Variants in GPC5 observed in about 807,000 individuals in gnomAD.
The protein encoded by GPC5 is glypican 5.
Under a neutral mutation model 53.9 loss-of-function variants are expected in GPC5, and 47 were observed. The ratio of observed to expected loss-of-function variants is 0.87; its 90% CI spans 0.69 to 1.11. The LOEUF is 1.11. Among genes scored for constraint, GPC5 ranks in the 50% most tolerant of loss-of-function variants. GPC5 has a pLI of 0.00. For missense variants in GPC5, 748 were observed against 713.1 expected, an observed-to-expected ratio of 1.05 and a Z score of -0.56; for synonymous variants, 286 against 263.3, an observed-to-expected ratio of 1.09 and a Z score of -0.84.
chr13:91,603,628 C>CA (rs1263607916), intron 2 of GPC5, among the ~76,000 whole-genome samples: 1 of 152,174 alleles, frequency 6.6e-6, no homozygotes, highest in Non-Finnish European at 1.5e-5. Context: ...ATCGTAAACA[C>CA]AGGCTGATTA....
At chr13:92,743,474 G>A (rs1390992500) in intron 7 of GPC5, among the ~76,000 whole-genome samples, 1 of 152,148 alleles carries the variant, frequency 6.6e-6, no homozygotes, top group African/African-American at 2.4e-5. Flanking sequence ...AGCAGCTTAA[G>A]GAGATTTTGG....
intron 6 of GPC5, among the ~76,000 whole-genome samples, chr13:91,977,628 C>A (rs954472281): frequency 1.3e-5 from 2 of 152,102 alleles, no homozygotes; most frequent in African/African-American, 4.8e-5. Flanking sequence ...GCATTCTAAA[C>A]CTCCCTTTTC....
chr13:91,873,921 A>G (rs2039175471), intron 5 of GPC5, among the ~76,000 whole-genome samples: 1 of 152,070 alleles, frequency 6.6e-6, no homozygotes. Context: ...AACTCAAACT[A>G]TCCTCCTGCC....
intron 7 of GPC5, among the ~76,000 whole-genome samples, chr13:92,354,534 T>G (rs942461811): frequency 6.6e-6 from 1 of 152,232 alleles, no homozygotes; most frequent in African/African-American, 2.4e-5. Flanking sequence ...GAGAATTTAC[T>G]ATGTAGCTAG....
intron 7 of GPC5, among the ~76,000 whole-genome samples, chr13:92,375,141 G>A (rs1055173083): frequency 2.6e-5 from 4 of 152,198 alleles, no homozygotes; most frequent in African/African-American, 4.8e-5. Context: ...TCCCTAGGGG[G>A]TGGATTATAT....
rs558548434 is a variant in GPC5, at chr13:91,626,251, A to G, written c.326-66936A>G. The stretch of plus-strand genomic sequence containing the variant: ...GTTACACTGAACACAAATCAATATC[A>G]TATATCAGCTTGACATATAAAGTCA... On this transcript the variant is annotated intron_variant, in intron 2 of 7. Transcript: ENST00000377067. 3.3e-5 allele frequency among the ~76,000 whole-genome samples: 5 copies of G among 152,300 alleles called. No homozygotes were observed. In the East Asian group the frequency reaches 9.7e-4, roughly 29 times the overall value.
At chr13:92,600,479 A>AATTC (rs372436108) in intron 7 of GPC5, among the ~76,000 whole-genome samples, 1,546 of 151,214 alleles carry the variant, frequency 0.01, 23 homozygotes, top group African/African-American at 0.034. Context: ...TTTTCTTTTC[A>AATTC]ATTCATTCAT....
intron 6 of GPC5, 136 bp from the exon 7 acceptor site, chr13:92,144,694 C>T: frequency 1.3e-6 from 1 of 759,018 alleles, no homozygotes; most frequent in Non-Finnish European, 2.1e-6. Flanking sequence ...TTTCATTTTT[C>T]TTAAAGACTT....
Position 92,730,687 on chromosome 13 carries a change from T to C in GPC5, c.1562-135595T>C, listed in dbSNP as rs1888777346. ...TTTCTCCATTTACTTGCCTTACTGT[T>C]TCTCTGGAGAGAGAAGGTGAAGGTC... On this transcript the variant is annotated intron_variant, in intron 7 of 7. Transcript: ENST00000377067. Among the ~76,000 whole-genome samples, 6 of 151,448 alleles carry C rather than the reference T, an allele frequency of 4.0e-5. No individual in the cohort carries two copies. The South Asian group carries it at 1.2e-3, about 31-fold the overall frequency.
chr13:92,432,197 C>T (rs1363146970), intron 7 of GPC5, among the ~76,000 whole-genome samples: 1 of 152,174 alleles, frequency 6.6e-6, no homozygotes, highest in Non-Finnish European at 1.5e-5. Context: ...AGGAAGAGAG[C>T]ATCACCAGAA....
chr13:91,965,078 T>C (rs1039336899), intron 6 of GPC5, among the ~76,000 whole-genome samples: 18 of 91,048 alleles, frequency 2.0e-4, no homozygotes, highest in Non-Finnish European at 3.2e-4. Context: ...CACTGGGGCC[T>C]GTCATGGGGT....
At chr13:92,260,935 G>C (rs1292273794) in intron 7 of GPC5, among the ~76,000 whole-genome samples, 1 of 152,104 alleles carries the variant, frequency 6.6e-6, no homozygotes, top group Non-Finnish European at 1.5e-5. Context: ...GAAAGAATCA[G>C]CCCTTAAGAC....
chr13:91,665,542 G>A (rs1056368969), intron 2 of GPC5, among the ~76,000 whole-genome samples: 17 of 151,082 alleles, frequency 1.1e-4, no homozygotes, highest in Non-Finnish European at 1.6e-4. Flanking sequence ...TCGCTCTGTC[G>A]CCCAGGCTGG....
intron 7 of GPC5, among the ~76,000 whole-genome samples, chr13:92,684,504 C>T (rs1887200677): frequency 6.6e-6 from 1 of 152,020 alleles, no homozygotes; most frequent in African/African-American, 2.4e-5. Flanking sequence ...CTCCTGACCT[C>T]GCGATCCACC....
intron 4 of GPC5, among the ~76,000 whole-genome samples, chr13:91,751,263 C>T (rs887993935): frequency 2.6e-5 from 4 of 152,204 alleles, no homozygotes; most frequent in African/African-American, 9.7e-5. Flanking sequence ...AAGCTAACCA[C>T]TGTTTTCAGT....
At chr13:92,019,419 G>T (rs535912127) in intron 6 of GPC5, among the ~76,000 whole-genome samples, 14 of 152,172 alleles carry the variant, frequency 9.2e-5, no homozygotes, top group African/African-American at 3.1e-4. Flanking sequence ...ATGTGTGTGT[G>T]TATATAATTT....
In GPC5 at chr13:92,153,329, G is replaced by A. The variant is rs191982266; in HGVS notation, c.1561+8340G>A. On this transcript the variant is annotated intron_variant, in intron 7 of 7. Transcript: ENST00000377067. ...TTTTTTGTACTTTTAGTAGAGACAG[G>A]GTTTCACCGTGTTGGCTAGGCTGGT... is the stretch of plus-strand genomic sequence containing the variant. Among the ~76,000 whole-genome samples, 299 of 152,110 alleles carry A rather than the reference G, an allele frequency of 2.0e-3. 2 individuals are homozygous for A. Among genetic ancestry groups the A allele is most frequent in the Non-Finnish European group, 3.5e-3 (241 of 67,974 alleles).
At chr13:91,458,635 A>C (rs1271550803) in intron 2 of GPC5, among the ~76,000 whole-genome samples, 1 of 152,154 alleles carries the variant, frequency 6.6e-6, no homozygotes, top group African/African-American at 2.4e-5. Flanking sequence ...AAAAGGGGGC[A>C]CTTTTACACT....
chr13:91,594,821 G>T (rs1194879827), intron 2 of GPC5, among the ~76,000 whole-genome samples: 1 of 151,786 alleles, frequency 6.6e-6, no homozygotes, highest in Non-Finnish European at 1.5e-5. Flanking sequence ...TGGGACTAGA[G>T]GGCATACCAC....
Sources: allele counts gnomAD v4.1 joint callset (sites outside exome capture counted in the v4.1 genomes callset), GRCh38; gene constraint gnomAD v4.1.1; transcripts MANE v1.5; gene names NCBI Gene and HGNC (gene_info 2026-07-23, HGNC 2026-07-21).